The following EP300 variants were observed in gnomAD, a reference collection of about 807,000 sequenced individuals.
EP300 encodes the protein histone acetyltransferase p300.
Under a neutral mutation model 264.0 loss-of-function variants are expected in EP300, and 31 were observed. That is an observed-to-expected ratio of 0.12 (90% CI 0.09 to 0.16). The LOEUF (loss-of-function observed/expected upper bound fraction) is 0.16. Among genes scored for constraint, EP300 ranks in the 10% least tolerant of loss-of-function variants. The pLI, the probability that EP300 is intolerant of heterozygous loss-of-function variation, is 1.00. For missense variants in EP300, 2,766 were observed against 3,052.9 expected, an observed-to-expected ratio of 0.91 and a Z score of 2.21; for synonymous variants, 1,340 against 1,045.4, an observed-to-expected ratio of 1.28 and a Z score of -5.44.
At chr22:41,118,457 C>T (rs2058833430) in intron 2 of EP300, among the ~76,000 whole-genome samples, 1 of 152,204 alleles carries the variant, frequency 6.6e-6, no homozygotes, top group South Asian at 2.1e-4. Context: ...CTTATTTCTT[C>T]ATATTTTTCT....
intron 19 of EP300, 142 bp downstream of exon 19, chr22:41,158,642 T>C: frequency 1.4e-6 from 1 of 710,632 alleles, no homozygotes; most frequent in Non-Finnish European, 2.5e-6. Context: ...GTTTTTTGCC[T>C]TCTGCCTTTG....
chr22:41,093,144 C>T (rs1241788340), intron 1 of EP300, 46 bp downstream of exon 1: 12 of 1,562,580 alleles, frequency 7.7e-6, no homozygotes, highest in Non-Finnish European at 1.1e-5. Flanking sequence ...TTAATCTTTT[C>T]TACTCGGTGC....
rs532611050 is a variant in EP300, at chr22:41,107,583, A to G, written c.95-9604A>G. On this transcript the variant is annotated intron_variant, in intron 1 of 30. Coordinates refer to ENST00000263253, the MANE Select transcript of EP300 (RefSeq NM_001429.4). ...TACAGTGTTTGGGATTATATTTTTAATGGTTCTAATTTTGAAGGTTATGCT... is the reference window on the plus strand; with the variant it reads ...TACAGTGTTTGGGATTATATTTTTAGTGGTTCTAATTTTGAAGGTTATGCT... Among the ~76,000 whole-genome samples, 477 of 152,328 alleles carry G rather than the reference A, an allele frequency of 3.1e-3. 3 individuals carry two copies. Among genetic ancestry groups the G allele is most frequent in the Middle Eastern group, 0.027 (8 of 294 alleles).
chr22:41,170,954 T>C (rs373207343), intron 27 of EP300, among the ~76,000 whole-genome samples: 114 of 146,188 alleles, frequency 7.8e-4, no homozygotes, highest in South Asian at 2.4e-3. Flanking sequence ...TGAGCCACCG[T>C]GCCCAGCCTT....
At chr22:41,157,563 G>T (rs2059084408) in intron 18 of EP300, among the ~76,000 whole-genome samples, 155 bp downstream of exon 18, 1 of 144,556 alleles carries the variant, frequency 6.9e-6, no homozygotes, top group Admixed American at 7.2e-5. Flanking sequence ...ATTCTCCCAG[G>T]CTGGAGTGCA....
chr22:41,145,638 T>C (rs1319070378), intron 10 of EP300, among the ~76,000 whole-genome samples: 1 of 152,254 alleles, frequency 6.6e-6, no homozygotes, highest in Non-Finnish European at 1.5e-5. Context: ...TTTAGGTTTT[T>C]TTTGAGACGG....
intron 29 of EP300, among the ~76,000 whole-genome samples, chr22:41,174,369 CA>C (rs1444596005): frequency 2.0e-5 from 3 of 152,162 alleles, no homozygotes; most frequent in Non-Finnish European, 4.4e-5. Context: ...GCAGAGGTTG[CA>C]GTGCACTTAC....
intron 14 of EP300, among the ~76,000 whole-genome samples, chr22:41,151,321 C>T (rs543772813): frequency 6.6e-6 from 1 of 152,250 alleles, no homozygotes; most frequent in East Asian, 1.9e-4. Flanking sequence ...ACTGACTTCT[C>T]ATTAAGAGAT....
rs759284105 is a variant in EP300, at chr22:41,099,224, C to T, written c.94+6126C>T. ...GACTACAGCTGCGCAGCACCATGCCCGGCTAATTTTTGTATTTTTAGTAGA... is the reference window on the plus strand; with the variant it reads ...GACTACAGCTGCGCAGCACCATGCCTGGCTAATTTTTGTATTTTTAGTAGA... On this transcript the variant is annotated intron_variant, in intron 1 of 30. Coordinates refer to ENST00000263253, the MANE Select transcript of EP300 (RefSeq NM_001429.4). Among the ~76,000 whole-genome samples the T allele has an allele frequency of 1.2e-4, 19 of 152,010 alleles. 1 individual carries two copies. The highest frequency in any genetic ancestry group is 9.8e-4 in the Admixed American group (15 of 15,254).
At chr22:41,172,432 TTATTCTG>T in intron 27 of EP300, 60 bp from the exon 28 acceptor site, 1 of 1,391,198 alleles carries the variant, frequency 7.2e-7, no homozygotes, top group Non-Finnish European at 1.0e-6. Context: ...TCAGCCATGA[TTATTCTG>T]TATAATCAAT....
Position 41,178,379 on chromosome 22 carries a change from AGCAGCAGCGGAT to A in EP300, c.6675_6686del (p.Gln2225_Gln2228del). 1.2e-6 allele frequency: 2 copies of A among 1,614,146 alleles called. No individual in the cohort carries two copies. The highest frequency in any genetic ancestry group is 1.7e-6 in the Non-Finnish European group (2 of 1,180,008). The stretch of plus-strand genomic sequence containing the variant: ...CAAGGAGTTGGCTACCCACCACAGC[AGCAGCAGCGGAT>A]GCAGCATCACATGCAACAGATGCAA... On this transcript the variant is annotated inframe_deletion, in exon 31 of 31. Coordinates refer to ENST00000263253, the MANE Select transcript of EP300 (RefSeq NM_001429.4).
intron 6 of EP300, 90 bp downstream of exon 6, chr22:41,131,723 T>A: frequency 6.3e-7 from 1 of 1,582,720 alleles, no homozygotes; most frequent in East Asian, 2.2e-5. Context: ...TTTTATTTTT[T>A]CTGCTACATG....
chr22:41,105,060 AG>A (rs2058751007), intron 1 of EP300, among the ~76,000 whole-genome samples: 1 of 150,872 alleles, frequency 6.6e-6, no homozygotes, highest in African/African-American at 2.4e-5. Flanking sequence ...AGCCGGGCGT[AG>A]TGGCGGGCGC....
chr22:41,114,473 C>T lies in EP300; in HGVS notation c.95-2714C>T, dbSNP rs140153527. On this transcript the variant is annotated intron_variant, in intron 1 of 30. Transcript: ENST00000263253. Reference sequence around the variant, plus strand: ...ATTACAGGTTGTGAGCCAAAGTGCTCAGCCTTGTGGCACATTTTTGATGGA... The same window carrying T: ...ATTACAGGTTGTGAGCCAAAGTGCTTAGCCTTGTGGCACATTTTTGATGGA... 8.2e-3 allele frequency among the ~76,000 whole-genome samples: 1,256 copies of T among 152,256 alleles called. 12 individuals carry two copies. The highest frequency in any genetic ancestry group is 0.029 in the African/African-American group (1,195 of 41,528).
At chr22:41,147,764 A>C in intron 11 of EP300, 73 bp from the exon 12 acceptor site, 1 of 1,070,564 alleles carries the variant, frequency 9.3e-7, no homozygotes, top group Non-Finnish European at 1.4e-6. Context: ...ACAGAATCAG[A>C]CATAAGAATT....
rs754226298 is a variant in EP300, at chr22:41,092,968, C to T, written c.-37C>T. The T allele has an allele frequency of 6.8e-6, 11 of 1,611,562 alleles. No individual in the cohort carries two copies. In the South Asian group the frequency reaches 9.9e-5, roughly 14 times the overall value. ...CCGAAGAAGAGATTTCCTGAGGATT[C>T]TGGTTTTCCTCGCTTGTATCTCCGA... On this transcript the variant is annotated 5_prime_UTR_variant, in exon 1 of 31. Transcript: ENST00000263253.
intron 23 of EP300, 107 bp from the exon 24 acceptor site, chr22:41,168,342 G>C (rs1464794833): frequency 1.5e-6 from 2 of 1,370,714 alleles, no homozygotes; most frequent in Non-Finnish European, 1.0e-6. Flanking sequence ...ATTTCACCAA[G>C]TTATCCTGTT....
At chr22:41,168,991 T>C in intron 25 of EP300, 124 bp downstream of exon 25, 1 of 1,358,428 alleles carries the variant, frequency 7.4e-7, no homozygotes, top group Non-Finnish European at 1.0e-6. Flanking sequence ...AAATCTCAAG[T>C]GTCCAGTAAT....
intron 20 of EP300, among the ~76,000 whole-genome samples, chr22:41,161,214 G>A (rs1213227048): frequency 2.6e-5 from 4 of 152,176 alleles, no homozygotes; most frequent in Non-Finnish European, 4.4e-5. Flanking sequence ...GTGAATAATA[G>A]ACTTTAACAG....
Sources: gnomAD v4.1 joint callset for allele counts (sites outside exome capture counted in the v4.1 genomes callset) on GRCh38, gnomAD v4.1.1 for gene constraint, MANE v1.5 for transcripts, NCBI Gene and HGNC (gene_info 2026-07-23, HGNC 2026-07-21) for gene names.